TNFRSF10A: variants seen among roughly 807,000 people sequenced by gnomAD.
The protein encoded by TNFRSF10A is tumor necrosis factor receptor superfamily member 10A.
TNFRSF10A carries 44 observed loss-of-function variants against 42.8 expected under a neutral mutation model. The observed-to-expected ratio is 1.03, with a 90% CI of 0.81 to 1.32. The LOEUF (loss-of-function observed/expected upper bound fraction) is 1.32. TNFRSF10A is among the 40% of genes most tolerant of loss of function. The pLI is 0.00. For synonymous variants in TNFRSF10A, 259 were observed against 234.2 expected, an observed-to-expected ratio of 1.11 and a Z score of -0.97; for missense variants, 680 against 602.0, an observed-to-expected ratio of 1.13 and a Z score of -1.36.
intron 2 of TNFRSF10A, among the ~76,000 whole-genome samples, chr8:23,205,024 A>G (rs927719530): frequency 6.6e-6 from 1 of 152,124 alleles, no homozygotes. Context: ...TCGAAAAAGA[A>G]GAGCAAACTA....
Position 23,191,676 on chromosome 8 carries a change from T to A in TNFRSF10A, c.*18A>T. ...AACTCCTAACACCTAAGAGGAAACC[T>A]CTGGTAAAAAGAGTCTTTCACTCCA... On this transcript the variant is annotated 3_prime_UTR_variant, in exon 10 of 10. Transcript: ENST00000221132. The A allele has an allele frequency of 6.2e-7, 1 of 1,602,118 alleles. No individual in the cohort carries two copies. The highest frequency in any genetic ancestry group is 8.5e-7 in the Non-Finnish European group (1 of 1,175,116).
intron 2 of TNFRSF10A, among the ~76,000 whole-genome samples, chr8:23,209,969 A>G (rs1170059715): frequency 6.6e-6 from 1 of 152,162 alleles, no homozygotes; most frequent in Non-Finnish European, 1.5e-5. Flanking sequence ...ATGTTGTGGG[A>G]GGGACCTGGT....
At chr8:23,220,327 T>C (rs981434134) in intron 1 of TNFRSF10A, among the ~76,000 whole-genome samples, 4 of 152,262 alleles carry the variant, frequency 2.6e-5, no homozygotes, top group Non-Finnish European at 1.5e-5. Context: ...CTGGCTGGGC[T>C]GGCCCAATCT....
chr8:23,203,817 A>G lies in TNFRSF10A; in HGVS notation c.404-1056T>C, dbSNP rs185485995. On this transcript the variant is annotated intron_variant, in intron 2 of 9. Coordinates refer to ENST00000221132, the MANE Select transcript of TNFRSF10A (RefSeq NM_003844.4). ...TTTTGAGATGGAGTCTCGCTCTCTCACCAGGCTGGAGTTCAGTGGCGTGAT... is the reference window on the plus strand; with the variant it reads ...TTTTGAGATGGAGTCTCGCTCTCTCGCCAGGCTGGAGTTCAGTGGCGTGAT... 2.1e-5 allele frequency among the ~76,000 whole-genome samples: 3 copies of G among 145,868 alleles called. No individual in the cohort carries two copies. The East Asian group carries it at 6.2e-4, about 30-fold the overall frequency.
chr8:23,197,431 T>C (rs747078635), intron 8 of TNFRSF10A, among the ~76,000 whole-genome samples: 1 of 152,166 alleles, frequency 6.6e-6, no homozygotes, highest in African/African-American at 2.4e-5. Flanking sequence ...ATTAGATTCT[T>C]ATAGGAGTGC....
intron 9 of TNFRSF10A, among the ~76,000 whole-genome samples, chr8:23,196,092 G>C (rs1375802348): frequency 6.6e-6 from 1 of 152,114 alleles, no homozygotes; most frequent in Non-Finnish European, 1.5e-5. Context: ...AAGTATCAAA[G>C]AACTGAAACT....
At position 23,222,955 on chromosome 8, in the gene TNFRSF10A, T is replaced by G. The variant is rs576791896; in HGVS notation, c.306+1801A>C. On this transcript the variant is annotated intron_variant, in intron 1 of 9. Transcript: ENST00000221132. ...CTTCCCCTTCACCACCAGTGGAAGT[T>G]TCCTGAGGCCTCACCAGAGGCAGAT... is the stretch of plus-strand genomic sequence containing the variant. Among the ~76,000 whole-genome samples, 348 of 152,294 alleles carry G rather than the reference T, an allele frequency of 2.3e-3. 2 individuals carry two copies. Among genetic ancestry groups the G allele is most frequent in the Non-Finnish European group, 4.0e-3 (275 of 68,028 alleles).
chr8:23,194,051 T>G (rs1800790902), intron 9 of TNFRSF10A, among the ~76,000 whole-genome samples: 1 of 152,198 alleles, frequency 6.6e-6, no homozygotes. Context: ...GGAAACTGCT[T>G]TACCTAAAAT....
chr8:23,214,575 T>A (rs1801149272), intron 1 of TNFRSF10A, among the ~76,000 whole-genome samples: 1 of 152,212 alleles, frequency 6.6e-6, no homozygotes, highest in Non-Finnish European at 1.5e-5. Flanking sequence ...TATAATTTCC[T>A]TTTATTGTGA....
At position 23,197,128 on chromosome 8, in the gene TNFRSF10A, T is replaced by A. The variant is rs1800833060; in HGVS notation, c.1087+4A>T. Reference sequence around the variant, plus strand: ...TGCTGCATCTCCAGGAGCAAAACACTTACTCTCAGTGGGGTCAGCACCATT... The same window carrying A: ...TGCTGCATCTCCAGGAGCAAAACACATACTCTCAGTGGGGTCAGCACCATT... On this transcript the variant is annotated splice_donor_region_variant and intron_variant, in intron 9 of 9. Transcript: ENST00000221132. The A allele has an allele frequency of 6.2e-7, 1 of 1,613,968 alleles. No individual in the cohort carries two copies. The highest frequency in any genetic ancestry group is 1.3e-5 in the African/African-American group (1 of 74,922).
At chr8:23,192,674 C>T (rs1305035734) in intron 9 of TNFRSF10A, among the ~76,000 whole-genome samples, 9 of 152,034 alleles carry the variant, frequency 5.9e-5, no homozygotes, top group African/African-American at 1.9e-4. Context: ...ATTTAAAGAA[C>T]ATAAAAAGAA....
At chr8:23,196,389 G>A (rs938467024) in intron 9 of TNFRSF10A, among the ~76,000 whole-genome samples, 1 of 152,028 alleles carries the variant, frequency 6.6e-6, no homozygotes, top group African/African-American at 2.4e-5. Flanking sequence ...GTACAGAAGG[G>A]GTTTCACCAT....
At chr8:23,201,528 C>A (rs1340806299) in intron 4 of TNFRSF10A, among the ~76,000 whole-genome samples, 1 of 152,104 alleles carries the variant, frequency 6.6e-6, no homozygotes, top group Non-Finnish European at 1.5e-5. Context: ...GTCATGGCCT[C>A]CTGTGCCTAG....
intron 2 of TNFRSF10A, among the ~76,000 whole-genome samples, chr8:23,211,308 TA>T (rs1202729346): frequency 1.3e-5 from 2 of 152,072 alleles, no homozygotes; most frequent in African/African-American, 4.8e-5. Flanking sequence ...CACAATAGCA[TA>T]AAAAAGTATT....
In TNFRSF10A at chr8:23,191,634, A is replaced by G; in HGVS notation, c.*60T>C. ...CTTTGTATACATGTTAAAAAAAAAA[A>G]AAACCTAATATGTATTAACTCCTAA... On this transcript the variant is annotated 3_prime_UTR_variant, in exon 10 of 10. Transcript: ENST00000221132. 6.8e-7 allele frequency: 1 copy of G among 1,476,292 alleles called. No individual in the cohort carries two copies. 91.4% of individuals were successfully genotyped at this position (1,476,292 alleles called of 1,614,324 possible).
intron 3 of TNFRSF10A, 147 bp from the exon 4 acceptor site, chr8:23,202,066 G>A (rs377041256): frequency 3.0e-5 from 20 of 668,132 alleles, no homozygotes; most frequent in South Asian, 1.9e-4. Flanking sequence ...CAGCACACTC[G>A]GGCTCACACA....
intron 1 of TNFRSF10A, among the ~76,000 whole-genome samples, chr8:23,223,292 C>A (rs564076736): frequency 6.6e-6 from 1 of 152,178 alleles, no homozygotes; most frequent in Admixed American, 6.5e-5. Flanking sequence ...GTCTCGATCT[C>A]CTGACCTCGT....
At chr8:23,205,370 A>G (rs1446404524) in intron 2 of TNFRSF10A, among the ~76,000 whole-genome samples, 3 of 152,220 alleles carry the variant, frequency 2.0e-5, no homozygotes, top group African/African-American at 4.8e-5. Context: ...GCTGATGTAA[A>G]CAAACCTACT....
chr8:23,201,378 G>C (rs1237523271), intron 4 of TNFRSF10A, among the ~76,000 whole-genome samples: 1 of 152,110 alleles, frequency 6.6e-6, no homozygotes, highest in Non-Finnish European at 1.5e-5. Flanking sequence ...CTGTCTTCTT[G>C]AATTAAAAGC....
Sources: allele counts gnomAD v4.1 joint callset (sites outside exome capture counted in the v4.1 genomes callset), GRCh38; gene constraint gnomAD v4.1.1; transcripts MANE v1.5; gene names NCBI Gene and HGNC (gene_info 2026-07-23, HGNC 2026-07-21).